The following SUN1 variants were observed in gnomAD, a reference collection of about 807,000 sequenced individuals.
SUN1 encodes the protein SUN domain-containing protein 1.
A neutral mutation model predicts 103.2 loss-of-function variants in SUN1; 61 were observed. The observed-to-expected ratio is 0.59, with a 90% CI of 0.48 to 0.73. SUN1 has a LOEUF of 0.73. Among genes scored for constraint, SUN1 ranks in the 30% least tolerant of loss-of-function variants. The probability of loss-of-function intolerance (pLI) is 0.00; values close to 1 mark genes in which losing one functional copy is unlikely to be tolerated. For synonymous variants in SUN1, 490 were observed against 425.7 expected (o/e 1.15, Z -1.86); for missense variants, 1,052 against 1,034.6 (o/e 1.02, Z -0.23).
intron 5 of SUN1, chr7:849,957 G>A (rs371413624): frequency 3.4e-5 from 54 of 1,600,826 alleles, no homozygotes; most frequent in African/African-American, 2.3e-4. Flanking sequence ...ACCTCGACGC[G>A]CACACAGCCG....
At chr7:860,962 A>G (rs1307015014) in intron 14 of SUN1, among the ~76,000 whole-genome samples, 2 of 152,132 alleles carry the variant, frequency 1.3e-5, no homozygotes, top group Non-Finnish European at 2.9e-5. Context: ...CCCTGCCACA[A>G]TGTGGGAATT....
At chr7:873,108 A>C in intron 18 of SUN1, 107 bp from the exon 19 acceptor site, 6 of 1,051,198 alleles carry the variant, frequency 5.7e-6, no homozygotes, top group Non-Finnish European at 8.7e-6. Flanking sequence ...CAAAAGGTTA[A>C]TTTCCAACTC....
chr7:850,283 C>T (rs1047456570), intron 5 of SUN1: 6 of 441,216 alleles, frequency 1.4e-5, no homozygotes, highest in South Asian at 1.1e-4. Context: ...ACTGCAGCCT[C>T]CACCTCCAGA....
At chr7:823,909 C>T (rs1288802685) in intron 1 of SUN1, among the ~76,000 whole-genome samples, 1 of 152,190 alleles carries the variant, frequency 6.6e-6, no homozygotes, top group Non-Finnish European at 1.5e-5. Flanking sequence ...AAAACGATGC[C>T]TGTGTACCAA....
intron 2 of SUN1, among the ~76,000 whole-genome samples, chr7:840,229 G>A (rs1183065243): frequency 1.3e-5 from 2 of 152,216 alleles, no homozygotes; most frequent in South Asian, 2.1e-4. Flanking sequence ...AGTTCACTGC[G>A]CAAAGAGTTC....
At position 866,025 on chromosome 7, in the gene SUN1, C is replaced by T. The variant is rs1444691327; in HGVS notation, c.1938C>T (p.Ile646=). ...TKTALMSLFG[I]PLWYFSQSPR... is the part of the protein sequence containing the mutation. Reference sequence around the variant, plus strand: ...CGGCGCTGATGAGTCTGTTTGGGATCCCGCTGTGGTACTTCTCGCAGTCCC... The same window carrying T: ...CGGCGCTGATGAGTCTGTTTGGGATTCCGCTGTGGTACTTCTCGCAGTCCC... The change falls in exon 16 of 19, where the codon ATC becomes ATT. Residue 646 remains isoleucine (I), a synonymous_variant. Transcript: ENST00000401592. 1.2e-6 allele frequency: 2 copies of T among 1,614,134 alleles called. No homozygotes were observed. The highest frequency in any genetic ancestry group is 1.6e-4 in the Middle Eastern group (1 of 6,062).
chr7:860,160 C>A lies in SUN1; in HGVS notation c.1557C>A (p.Leu519=). 6.2e-7 allele frequency: 1 copy of A among 1,614,198 alleles called. No homozygotes were observed. The highest frequency in any genetic ancestry group is 8.5e-7 in the Non-Finnish European group (1 of 1,180,034). The change falls in exon 14 of 19, where the codon CTC becomes CTA. Residue 519 remains leucine (L), a synonymous_variant. Coordinates refer to ENST00000401592, the MANE Select transcript of SUN1 (RefSeq NM_001130965.3). ...VDVQVREMVK[L]LFSEDQQGGS... The stretch of plus-strand genomic sequence containing the variant: ...TGCAAGTCAGAGAAATGGTGAAACT[C>A]CTGTTTTCCGAAGATCAGCAAGGCG...
Position 853,465 on chromosome 7 carries a change from C to G in SUN1, c.1110C>G (p.Ala370=), listed in dbSNP as rs1195559554. The change falls in exon 10 of 19, where the codon GCC becomes GCG. Residue 370 remains alanine (A), a synonymous_variant. Coordinates refer to ENST00000401592, the MANE Select transcript of SUN1 (RefSeq NM_001130965.3). ...TGAGTGGCGTGGAGCAGCAGGTGGC[C>G]TCTCTGTCTGGACAGTGCCACCACC... ...HWMSGVEQQV[A]SLSGQCHHHG... 1 of 1,613,928 alleles carries G rather than the reference C, an allele frequency of 6.2e-7. No homozygotes were observed.
At chr7:842,239 C>T in intron 3 of SUN1, 109 bp downstream of exon 3, 2 of 1,220,198 alleles carry the variant, frequency 1.6e-6, no homozygotes, top group Admixed American at 4.9e-5. Context: ...ATGGATTATG[C>T]TAGGGAGAGG....
chr7:839,047 A>C, intron 2 of SUN1, 61 bp downstream of exon 2: 7 of 1,448,206 alleles, frequency 4.8e-6, no homozygotes, highest in Non-Finnish European at 6.4e-6. Flanking sequence ...CCAAGCTTCC[A>C]TACTTTTTGG....
intron 6 of SUN1, 122 bp from the exon 7 acceptor site, chr7:851,828 A>G (rs1822471252): frequency 9.8e-7 from 1 of 1,021,000 alleles, no homozygotes; most frequent in Admixed American, 2.2e-5. Flanking sequence ...GCATCACCGA[A>G]CTTCTTCACC....
intron 1 of SUN1, among the ~76,000 whole-genome samples, chr7:818,930 C>G (rs1408190206): frequency 6.7e-6 from 1 of 149,468 alleles, no homozygotes; most frequent in African/African-American, 2.5e-5. Context: ...ATGACAGGAA[C>G]TCAGCTCACC....
intron 5 of SUN1, among the ~76,000 whole-genome samples, chr7:845,115 G>T (rs377554067): frequency 4.6e-5 from 7 of 152,178 alleles, no homozygotes; most frequent in African/African-American, 1.7e-4. Context: ...CCACCGAAAC[G>T]TGCTGTTTTC....
intron 5 of SUN1, chr7:848,316 T>C: frequency 9.5e-7 from 1 of 1,051,894 alleles, no homozygotes; most frequent in South Asian, 1.3e-5. Flanking sequence ...TTGGTGTCCA[T>C]TCTAAAAGTG....
chr7:853,329 G>A (rs1007318102), intron 9 of SUN1, 80 bp from the exon 10 acceptor site: 1 of 1,524,610 alleles, frequency 6.6e-7, no homozygotes, highest in Non-Finnish European at 9.0e-7. Flanking sequence ...TCTTGCTGTA[G>A]GACACTGTTT....
intron 17 of SUN1, among the ~76,000 whole-genome samples, chr7:871,877 A>G (rs145890740): frequency 6.6e-6 from 1 of 152,328 alleles, no homozygotes; most frequent in East Asian, 1.9e-4. Flanking sequence ...TACTGTTCTA[A>G]TAAGTGCACA....
In SUN1 at chr7:857,943, G is replaced by T. The variant is rs755211811; in HGVS notation, c.1510G>T (p.Ala504Ser). 6.3e-7 allele frequency: 1 copy of T among 1,586,596 alleles called. No individual in the cohort carries two copies. The highest frequency in any genetic ancestry group is 2.3e-5 in the East Asian group (1 of 44,024). The change falls in exon 13 of 19, where the codon GCC becomes TCC. Residue 504 changes from alanine to serine, a missense_variant. Ala to Ser is a moderately conservative substitution (Grantham distance 99). Around this residue, in one of 2 missense-constraint regions of SUN1, gnomAD observed 846 missense variants for 774.5 expected, o/e 1.09. Coordinates refer to ENST00000401592, the MANE Select transcript of SUN1 (RefSeq NM_001130965.3). ...GAAGACCGGCTGTGAGACAGTGGATGCCGTACAAGAAAGAGTGAGCTTTCT... is the reference window on the plus strand; with the variant it reads ...GAAGACCGGCTGTGAGACAGTGGATTCCGTACAAGAAAGAGTGAGCTTTCT... Reference protein sequence around the residue: ...HVKTGCETVDAVQERVDVQVR... With the variant: ...HVKTGCETVDSVQERVDVQVR...
intron 5 of SUN1, chr7:848,684 T>G: frequency 8.5e-7 from 1 of 1,174,998 alleles, no homozygotes; most frequent in Admixed American, 2.8e-5. Context: ...TGCTGTGACT[T>G]TCCTCGCCAG....
chr7:849,239 C>T (rs894965329), intron 5 of SUN1, among the ~76,000 whole-genome samples: 1 of 152,240 alleles, frequency 6.6e-6, no homozygotes, highest in African/African-American at 2.4e-5. Flanking sequence ...CAGGCTTGAG[C>T]AACTGCGCCC....
Sources: allele counts gnomAD v4.1 joint callset (sites outside exome capture counted in the v4.1 genomes callset), GRCh38; gene constraint gnomAD v4.1.1; regional missense constraint gnomAD v4.1.1; transcripts MANE v1.5; gene names NCBI Gene and HGNC (gene_info 2026-07-23, HGNC 2026-07-21).